The following DDR2 variants were observed in gnomAD, a reference collection of about 807,000 sequenced individuals.
DDR2 encodes the protein discoidin domain receptor tyrosine kinase 2.
In DDR2, 27 loss-of-function variants were observed where a neutral mutation model predicts 94.9. That is an observed-to-expected ratio of 0.28 (90% CI 0.21 to 0.39). DDR2 has a LOEUF of 0.39. Among genes scored for constraint, DDR2 ranks in the 10% least tolerant of loss-of-function variants. The pLI is 1.00. For synonymous variants in DDR2, 382 were observed against 377.2 expected, an observed-to-expected ratio of 1.01 and a Z score of -0.15; for missense variants, 783 against 1,076.0, an observed-to-expected ratio of 0.73 and a Z score of 3.81.
intron 3 of DDR2, among the ~76,000 whole-genome samples, chr1:162,725,447 T>C (rs112830468): frequency 0.01 from 1,569 of 152,302 alleles, 32 homozygotes; most frequent in African/African-American, 0.036. Context: ...GGCATGAACA[T>C]GACTCACTGC....
At chr1:162,752,111 T>G (rs374384714) in intron 3 of DDR2, among the ~76,000 whole-genome samples, 1 of 151,912 alleles carries the variant, frequency 6.6e-6, no homozygotes, top group African/African-American at 2.4e-5. Context: ...ACCTGCACAT[T>G]GTGCACATGT....
In DDR2 at chr1:162,679,081, T is replaced by C. The variant is rs1659273108; in HGVS notation, c.-28+23707T>C. 2.0e-5 allele frequency among the ~76,000 whole-genome samples: 3 copies of C among 152,146 alleles called. No homozygotes were observed. The South Asian group carries it at 6.2e-4, about 32-fold the overall frequency. ...TTAACTTTCATTTTAGTTTCAGTGGTATCTGTGCAGGTTTGTCATATAGTA... is the reference window on the plus strand; with the variant it reads ...TTAACTTTCATTTTAGTTTCAGTGGCATCTGTGCAGGTTTGTCATATAGTA... On this transcript the variant is annotated intron_variant, in intron 2 of 17. Coordinates refer to ENST00000367921, the MANE Select transcript of DDR2 (RefSeq NM_006182.4).
At chr1:162,699,359 A>C (rs561278130) in intron 2 of DDR2, among the ~76,000 whole-genome samples, 1 of 152,264 alleles carries the variant, frequency 6.6e-6, no homozygotes, top group Non-Finnish European at 1.5e-5. Flanking sequence ...CCTTTTTCCA[A>C]TTCTGCGTAG....
At chr1:162,711,378 G>A (rs375567286) in intron 2 of DDR2, among the ~76,000 whole-genome samples, 5 of 152,136 alleles carry the variant, frequency 3.3e-5, no homozygotes, top group Admixed American at 6.5e-5. Flanking sequence ...AAAGTTACCC[G>A]GCATTGAATC....
At chr1:162,746,743 A>G (rs1389894675) in intron 3 of DDR2, among the ~76,000 whole-genome samples, 2 of 152,188 alleles carry the variant, frequency 1.3e-5, no homozygotes, top group Non-Finnish European at 2.9e-5. Context: ...GACACCTCAT[A>G]CAGCTGGGTG....
At chr1:162,713,448 A>G (rs1249261924) in intron 2 of DDR2, among the ~76,000 whole-genome samples, 1 of 152,210 alleles carries the variant, frequency 6.6e-6, no homozygotes, top group Non-Finnish European at 1.5e-5. Flanking sequence ...TTTGATCACC[A>G]TTCACAATCT....
At chr1:162,758,658 A>G (rs1663573020) in intron 7 of DDR2, among the ~76,000 whole-genome samples, 1 of 152,214 alleles carries the variant, frequency 6.6e-6, no homozygotes, top group Admixed American at 6.5e-5. Flanking sequence ...GGCCAGTCAA[A>G]TTTTATAATT....
intron 2 of DDR2, among the ~76,000 whole-genome samples, chr1:162,691,029 T>C (rs954011917): frequency 2.6e-5 from 4 of 152,148 alleles, no homozygotes; most frequent in Admixed American, 1.3e-4. Flanking sequence ...CCCCCCAGGG[T>C]ATAGTCGTGA....
intron 13 of DDR2, 101 bp from the exon 14 acceptor site, chr1:162,773,368 T>A: frequency 6.6e-7 from 1 of 1,516,060 alleles, no homozygotes; most frequent in Non-Finnish European, 9.1e-7. Flanking sequence ...TCATTTTGCC[T>A]GAGTTGTAAG....
chr1:162,695,294 C>A (rs945907516), intron 2 of DDR2, among the ~76,000 whole-genome samples: 1 of 152,100 alleles, frequency 6.6e-6, no homozygotes, highest in African/African-American at 2.4e-5. Flanking sequence ...TGCAGTGGTG[C>A]GATCTTGGCT....
intron 1 of DDR2, among the ~76,000 whole-genome samples, chr1:162,637,729 T>C (rs1180222356): frequency 6.6e-6 from 1 of 152,188 alleles, no homozygotes; most frequent in African/African-American, 2.4e-5. Context: ...GCATGCCTTA[T>C]TCAGTGCTAG....
intron 4 of DDR2, among the ~76,000 whole-genome samples, chr1:162,753,804 A>C (rs1663329907): frequency 6.6e-6 from 1 of 151,794 alleles, no homozygotes; most frequent in African/African-American, 2.4e-5. Context: ...TGGACCCAAT[A>C]CTCTACCTGG....
At chr1:162,702,443 G>GT (rs2101997672) in intron 2 of DDR2, among the ~76,000 whole-genome samples, 1 of 152,236 alleles carries the variant, frequency 6.6e-6, no homozygotes, top group African/African-American at 2.4e-5. Context: ...TTGGCTCTTG[G>GT]TTTTGAATAG....
chr1:162,723,773 G>A (rs1661529157), intron 3 of DDR2, among the ~76,000 whole-genome samples: 1 of 152,190 alleles, frequency 6.6e-6, no homozygotes, highest in African/African-American at 2.4e-5. Context: ...GCAGGGCAGT[G>A]CTGGAACTTC....
rs1310364067 is a variant in DDR2 at position 162,783,718 on chromosome 1, T to G, written c.*3472T>G. On this transcript the variant is annotated 3_prime_UTR_variant, in exon 18 of 18. Transcript: ENST00000367921. ...GTTCAGTGTATGAAATGGAAAGGAA[T>G]TTTTCAGAATTTTAAGAAAGGGGAA... is the stretch of plus-strand genomic sequence containing the variant. 6.6e-6 allele frequency: 1 copy of G among 152,126 alleles called. No individual in the cohort carries two copies. The highest frequency in any genetic ancestry group is 1.5e-5 in the Non-Finnish European group (1 of 68,006). 9.4% of individuals were successfully genotyped at this position (152,126 alleles called of 1,614,324 possible). A position where few individuals can be genotyped will look rare whatever the true frequency, so the allele number is the denominator to read the frequency against.
intron 2 of DDR2, among the ~76,000 whole-genome samples, chr1:162,675,172 G>T (rs1659069712): frequency 6.6e-6 from 1 of 151,972 alleles, no homozygotes; most frequent in Non-Finnish European, 1.5e-5. Flanking sequence ...AAAAAAAGTA[G>T]AGGAGAAACA....
chr1:162,698,921 TC>T (rs1660308612), intron 2 of DDR2, among the ~76,000 whole-genome samples: 2 of 152,166 alleles, frequency 1.3e-5, no homozygotes, highest in Non-Finnish European at 2.9e-5. Flanking sequence ...GGAAGGCAGA[TC>T]AGCATGCCTT....
intron 3 of DDR2, among the ~76,000 whole-genome samples, chr1:162,727,424 A>G (rs12037587): frequency 0.043 from 6,270 of 145,264 alleles, 166 homozygotes; most frequent in South Asian, 0.071. Flanking sequence ...AAGTATATTT[A>G]TGTATGTATT....
chr1:162,631,641 G>A (rs908186642), upstream of DDR2, among the ~76,000 whole-genome samples: 1 of 152,116 alleles, frequency 6.6e-6, no homozygotes, highest in Non-Finnish European at 1.5e-5. Context: ...GATGGAGAGG[G>A]TTATTAGTTA....
Sources: allele counts gnomAD v4.1 joint callset (sites outside exome capture counted in the v4.1 genomes callset), GRCh38; gene constraint gnomAD v4.1.1; transcripts MANE v1.5; gene names NCBI Gene and HGNC (gene_info 2026-07-23, HGNC 2026-07-21).